Variants in COL5A1 observed in about 807,000 individuals in gnomAD.
COL5A1 encodes the protein collagen type V alpha 1 chain, also known as collagen alpha-1(V) chain.
Under a neutral mutation model 263.7 loss-of-function variants are expected in COL5A1, and 16 were observed. The ratio of observed to expected loss-of-function variants is 0.06; its 90% CI spans 0.04 to 0.09. The LOEUF (loss-of-function observed/expected upper bound fraction) is 0.09. Ranked by LOEUF, COL5A1 falls within the 10% of genes least tolerant of loss-of-function variation. The pLI, the probability that COL5A1 is intolerant of heterozygous loss-of-function variation, is 1.00. For missense variants in COL5A1, 2,036 were observed against 2,540.5 expected, an observed-to-expected ratio of 0.80 and a Z score of 4.27; for synonymous variants, 1,012 against 1,004.5, an observed-to-expected ratio of 1.01 and a Z score of -0.14.
chr9:134,728,821 G>T lies in COL5A1; in HGVS notation c.924+14G>T. On this transcript the variant is annotated intron_variant, in intron 6 of 65. Transcript: ENST00000371817. ...GAGGTCCCCGAGGTCTGGGCTGAGC[G>T]GGGGACTGGGTTGGGCTGGGCCCCT... The T allele has an allele frequency of 6.2e-7, 1 of 1,613,940 alleles. No individual in the cohort carries two copies. The highest frequency in any genetic ancestry group is 8.5e-7 in the Non-Finnish European group (1 of 1,179,998).
chr9:134,718,443 T>G (rs2132615150), intron 4 of COL5A1, among the ~76,000 whole-genome samples: 1 of 152,330 alleles, frequency 6.6e-6, no homozygotes, highest in East Asian at 1.9e-4. Flanking sequence ...GCCACCTGCT[T>G]CTTTGGGCAG....
chr9:134,813,356 C>T (rs1342666971), intron 48 of COL5A1, among the ~76,000 whole-genome samples: 2 of 152,154 alleles, frequency 1.3e-5, no homozygotes, highest in East Asian at 3.8e-4. Flanking sequence ...GCACTTGAGC[C>T]CCCTGTGCAC....
chr9:134,814,244 C>T (rs142751948), intron 49 of COL5A1, among the ~76,000 whole-genome samples: 6 of 152,326 alleles, frequency 3.9e-5, no homozygotes, highest in Non-Finnish European at 5.9e-5. Flanking sequence ...CAATAGCTAC[C>T]TGTGCCCAGT....
At chr9:134,736,455 A>T (rs1198348403) in intron 9 of COL5A1, among the ~76,000 whole-genome samples, 1 of 152,206 alleles carries the variant, frequency 6.6e-6, no homozygotes, top group Non-Finnish European at 1.5e-5. Context: ...CTCCCATCGT[A>T]GCTGCATTCA....
intron 1 of COL5A1, among the ~76,000 whole-genome samples, chr9:134,661,376 C>T (rs979143674): frequency 6.6e-6 from 1 of 151,556 alleles, no homozygotes; most frequent in Non-Finnish European, 1.5e-5. Context: ...AAGCAGATGA[C>T]CAGTTTGCAG....
rs1204789359 is a variant in COL5A1, at chr9:134,802,880, C to T, written c.3007-8C>T. The T allele has an allele frequency of 6.2e-7, 1 of 1,604,872 alleles. No homozygotes were observed. The highest frequency in any genetic ancestry group is 2.2e-5 in the East Asian group (1 of 44,792). ...AACGTCTGTGGCTGACACTGATTTT[C>T]CCCACAGGGTCCCACGGGAGAAACG... On this transcript the variant is annotated splice_polypyrimidine_tract_variant and splice_region_variant and intron_variant, in intron 38 of 65. Transcript: ENST00000371817.
Position 134,842,223 on chromosome 9 carries a change from G to A in COL5A1, c.5437G>A (p.Val1813Met), listed in dbSNP as rs755914340. ...DTPKVEQVPI[V>M]DIMFNDFGEA... ...CCCCAAAGTGGAGCAGGTGCCCATC[G>A]TGGACATCATGTTCAATGACTTCGG... The change falls in exon 66 of 66, where the codon GTG becomes ATG. Residue 1813 changes from valine (V) to methionine (M), a missense_variant. Val to Met is a conservative substitution (Grantham distance 21, BLOSUM62 1). Transcript: ENST00000371817. The surrounding 1 kb of genome is among the most constrained non-coding windows in gnomAD (Gnocchi z 5.8). The A allele has an allele frequency of 2.2e-5, 35 of 1,614,064 alleles. No individual in the cohort carries two copies. In the Admixed American group the frequency reaches 5.7e-4, roughly 26 times the overall value.
At chr9:134,685,443 G>A (rs117330509) in intron 1 of COL5A1, among the ~76,000 whole-genome samples, 8 of 756 alleles carry the variant, frequency 0.011, no homozygotes, top group Admixed American at 0.043. Flanking sequence ...TCCATCCATT[G>A]TCCATCATCC....
Position 134,693,800 on chromosome 9 carries a change from G to A in COL5A1, c.277+2721G>A, listed in dbSNP as rs193045275. Among the ~76,000 whole-genome samples the A allele has an allele frequency of 3.6e-3, 545 of 152,346 alleles. 19 individuals are homozygous for A. The South Asian group carries it at 0.072, about 20-fold the overall frequency. Reference sequence around the variant, plus strand: ...GGAGGGACTCAGAAGCTCACTTCAGGTTTTCTGTTTGAGAAGTGCTCAGTG... The same window carrying A: ...GGAGGGACTCAGAAGCTCACTTCAGATTTTCTGTTTGAGAAGTGCTCAGTG... On this transcript the variant is annotated intron_variant, in intron 2 of 65. Transcript: ENST00000371817.
chr9:134,734,064 G>A (rs530905871), intron 9 of COL5A1, among the ~76,000 whole-genome samples: 4 of 152,202 alleles, frequency 2.6e-5, no homozygotes, highest in South Asian at 2.1e-4. Flanking sequence ...TCATGTTCCC[G>A]AGTAAGCTGG....
At chr9:134,773,266 C>G (rs1012259723) in intron 26 of COL5A1, among the ~76,000 whole-genome samples, 1 of 152,164 alleles carries the variant, frequency 6.6e-6, no homozygotes, top group African/African-American at 2.4e-5. Context: ...TGACTGTGTC[C>G]GACACTGTGA....
intron 37 of COL5A1, among the ~76,000 whole-genome samples, chr9:134,801,094 G>T (rs1249459712): frequency 6.6e-6 from 1 of 152,252 alleles, no homozygotes; most frequent in Non-Finnish European, 1.5e-5. Context: ...GGAGAGTACA[G>T]AAGTCGTGGC....
At chr9:134,785,569 C>A (rs1328963837) in intron 30 of COL5A1, among the ~76,000 whole-genome samples, 1 of 152,184 alleles carries the variant, frequency 6.6e-6, no homozygotes, top group East Asian at 1.9e-4. Context: ...CAGCCACACA[C>A]CCTGGCTCCA....
chr9:134,822,606 A>G (rs1036753748), intron 59 of COL5A1, among the ~76,000 whole-genome samples: 43 of 151,752 alleles, frequency 2.8e-4, no homozygotes, highest in Admixed American at 1.9e-3. Context: ...GCAGGTACAC[A>G]TGGCCCCCGG....
intron 4 of COL5A1, 97 bp downstream of exon 4, chr9:134,701,430 C>G (rs749037242): frequency 9.6e-6 from 12 of 1,246,368 alleles, no homozygotes; most frequent in Middle Eastern, 2.5e-4. Flanking sequence ...GGGCCGGGAC[C>G]GGCTGGCGGT....
intron 41 of COL5A1, among the ~76,000 whole-genome samples, 153 bp from the exon 42 acceptor site, chr9:134,806,036 A>G (rs1307646585): frequency 6.6e-6 from 1 of 152,174 alleles, no homozygotes; most frequent in Non-Finnish European, 1.5e-5. Context: ...CCCGAACGCT[A>G]GACCAGGTAG....
At position 134,677,505 on chromosome 9, in the gene COL5A1, G is replaced by A. The variant is rs191936223; in HGVS notation, c.110-13407G>A. Among the ~76,000 whole-genome samples, 11 of 152,284 alleles carry A rather than the reference G, an allele frequency of 7.2e-5. No individual in the cohort carries two copies. In the East Asian group the frequency reaches 1.4e-3, roughly 19 times the overall value. The stretch of plus-strand genomic sequence containing the variant: ...AGGCCATGTGCAAATGCTCAGGTTC[G>A]TGGAGCCAGGCTCTTGCCCCTGATG... On this transcript the variant is annotated intron_variant, in intron 1 of 65. Coordinates refer to ENST00000371817, the MANE Select transcript of COL5A1 (RefSeq NM_000093.5). The surrounding 1 kb of genome is among the most constrained non-coding windows in gnomAD (Gnocchi z 4.4).
intron 16 of COL5A1, 91 bp from the exon 17 acceptor site, chr9:134,756,674 C>T (rs113374832): frequency 2.1e-5 from 29 of 1,398,406 alleles, no homozygotes; most frequent in African/African-American, 8.5e-5. Context: ...TCTGGTGGAA[C>T]GCTCAACTTG....
intron 4 of COL5A1, chr9:134,708,971 C>T (rs970046818): frequency 2.4e-5 from 11 of 456,488 alleles, no homozygotes; most frequent in Non-Finnish European, 4.0e-5. Context: ...CCTCTCTCTT[C>T]CCCCTGTGTC....
Sources: gnomAD v4.1 joint callset for allele counts (sites outside exome capture counted in the v4.1 genomes callset) on GRCh38, gnomAD v4.1.1 for gene constraint, Gnocchi (gnomAD v3.1) non-coding constraint, MANE v1.5 for transcripts, NCBI Gene and HGNC (gene_info 2026-07-23, HGNC 2026-07-21) for gene names.